The following TGFBR2 variants were observed in gnomAD, a reference collection of about 807,000 sequenced individuals.
TGFBR2 encodes TGF-beta receptor type-2.
In TGFBR2, 18 loss-of-function variants were observed where a neutral mutation model predicts 49.0. The observed-to-expected ratio is 0.37, with a 90% CI of 0.25 to 0.54. The LOEUF is 0.54. Among genes scored for constraint, TGFBR2 ranks in the 20% least tolerant of loss-of-function variants. TGFBR2 has a pLI of 0.85. For missense variants in TGFBR2, 525 were observed against 722.6 expected, an observed-to-expected ratio of 0.73 and a Z score of 3.13; for synonymous variants, 282 against 275.9, an observed-to-expected ratio of 1.02 and a Z score of -0.22.
chr3:30,634,155 C>G (rs1310950671), intron 1 of TGFBR2, among the ~76,000 whole-genome samples: 2 of 152,180 alleles, frequency 1.3e-5, no homozygotes, highest in Non-Finnish European at 2.9e-5. Flanking sequence ...AAATTCTGCT[C>G]TCACAGAACA....
intron 3 of TGFBR2, chr3:30,661,757 T>A (rs1387788548): frequency 1.1e-5 from 4 of 352,090 alleles, no homozygotes; most frequent in Non-Finnish European, 2.2e-5. Flanking sequence ...GTGAGAGTCC[T>A]GCTGTAATCT....
intron 1 of TGFBR2, among the ~76,000 whole-genome samples, chr3:30,630,221 A>G (rs1698411032): frequency 6.6e-6 from 1 of 152,220 alleles, no homozygotes. Flanking sequence ...TTCTCACCCC[A>G]GAATGAGATA....
At chr3:30,613,419 T>C (rs114660196) in intron 1 of TGFBR2, among the ~76,000 whole-genome samples, 2 of 152,148 alleles carry the variant, frequency 1.3e-5, no homozygotes, top group Non-Finnish European at 2.9e-5. Context: ...GCAGTTTGCA[T>C]GGATCCTTGA....
chr3:30,623,279 G>A (rs1698269639), intron 1 of TGFBR2: 1 of 1,613,716 alleles, frequency 6.2e-7, no homozygotes, highest in African/African-American at 1.3e-5. Flanking sequence ...ACATAGTAAA[G>A]TATCATTAAT....
At chr3:30,632,648 A>G (rs916033454) in intron 1 of TGFBR2, among the ~76,000 whole-genome samples, 9 of 152,178 alleles carry the variant, frequency 5.9e-5, no homozygotes, top group African/African-American at 1.2e-4. Flanking sequence ...GTTTCCTGCA[A>G]TTTTCTTTGG....
intron 1 of TGFBR2, among the ~76,000 whole-genome samples, chr3:30,616,521 A>T (rs1444265450): frequency 6.6e-6 from 1 of 152,206 alleles, no homozygotes; most frequent in East Asian, 1.9e-4. Flanking sequence ...CTGGGTGACC[A>T]GGCTGTCTTT....
At chr3:30,640,130 T>A (rs983553145) in intron 1 of TGFBR2, among the ~76,000 whole-genome samples, 4 of 152,296 alleles carry the variant, frequency 2.6e-5, no homozygotes, top group Admixed American at 2.0e-4. Flanking sequence ...GAAGGTGGTA[T>A]GACCTAGAGT....
Position 30,617,221 on chromosome 3 carries a change from G to T in TGFBR2, c.94+10244G>T, listed in dbSNP as rs537619815. On this transcript the variant is annotated intron_variant, in intron 1 of 6. Transcript: ENST00000295754. ...GGCAGTTTTCAGACTGCTGTTTTAG[G>T]CAGGGGAGTAGCTGCCGCAACCTCT... Among the ~76,000 whole-genome samples, 134 of 152,258 alleles carry T rather than the reference G, an allele frequency of 8.8e-4. 1 individual carries two copies. Among genetic ancestry groups the T allele is most frequent in the African/African-American group, 3.1e-3 (130 of 41,554 alleles).
intron 3 of TGFBR2, among the ~76,000 whole-genome samples, chr3:30,652,794 C>A (rs1168930819): frequency 6.6e-6 from 1 of 152,140 alleles, no homozygotes; most frequent in Non-Finnish European, 1.5e-5. Context: ...TCCAAAAGGA[C>A]AAAAGTTGAT....
chr3:30,612,291 G>A (rs1300493648), intron 1 of TGFBR2, among the ~76,000 whole-genome samples: 1 of 152,072 alleles, frequency 6.6e-6, no homozygotes, highest in African/African-American at 2.4e-5. Flanking sequence ...TCCTGCTCAG[G>A]GTCTCTCTGG....
In TGFBR2 at chr3:30,637,062, T is replaced by TG. The variant is rs200583346; in HGVS notation, c.95-7684dup. Among the ~76,000 whole-genome samples, 1,336 of 137,428 alleles carry TG rather than the reference T, an allele frequency of 9.7e-3. 23 individuals are homozygous for TG. Among genetic ancestry groups the TG allele is most frequent in the African/African-American group, 0.036 (1,290 of 35,874 alleles). 90.2% of individuals were successfully genotyped at this position (137,428 alleles called of 152,430 possible). ...CTGGGTGACAGAGCAAGACTCTGTC[T>TG]GAAAAAAAAAAAAAAAAGCAATAAA... On this transcript the variant is annotated intron_variant, in intron 1 of 6. Coordinates refer to ENST00000295754, the MANE Select transcript of TGFBR2 (RefSeq NM_003242.6).
chr3:30,611,706 G>A (rs1030476153), intron 1 of TGFBR2, among the ~76,000 whole-genome samples: 1 of 151,842 alleles, frequency 6.6e-6, no homozygotes, highest in Non-Finnish European at 1.5e-5. Context: ...TTATAAGGGT[G>A]AAGCAGCGTT....
rs938310044 is a variant in TGFBR2 at position 30,623,387 on chromosome 3, A to G, written c.94+16410A>G. On this transcript the variant is annotated intron_variant, in intron 1 of 6. Transcript: ENST00000295754. ...AAATCTATAGTCTCCTCGTATTTTC[A>G]TATTTTCATAGCTAAATTGTTAAAG... 11 of 1,329,248 alleles carry G rather than the reference A, an allele frequency of 8.3e-6. No homozygotes were observed. The African/African-American group carries it at 1.0e-4, about 12-fold the overall frequency. 82.3% of individuals were successfully genotyped at this position (1,329,248 alleles called of 1,614,324 possible). A position where few individuals can be genotyped will look rare whatever the true frequency, so the allele number is the denominator to read the frequency against.
intron 3 of TGFBR2, among the ~76,000 whole-genome samples, chr3:30,654,640 G>A (rs1019432681): frequency 6.6e-6 from 1 of 152,160 alleles, no homozygotes. Context: ...GAAGTTGTTT[G>A]GATTGGTCAT....
Position 30,659,121 on chromosome 3 carries a change from T to C in TGFBR2, c.454+8661T>C, listed in dbSNP as rs11466507. Among the ~76,000 whole-genome samples, 789 of 152,360 alleles carry C rather than the reference T, an allele frequency of 5.2e-3. 10 individuals are homozygous for C. Among genetic ancestry groups the C allele is most frequent in the African/African-American group, 0.018 (765 of 41,572 alleles). Reference sequence around the variant, plus strand: ...TGGTAGCTCTGGGGGATTTTAGGTATGCTGCCTTGGAACTGTGCACTCACG... The same window carrying C: ...TGGTAGCTCTGGGGGATTTTAGGTACGCTGCCTTGGAACTGTGCACTCACG... On this transcript the variant is annotated intron_variant, in intron 3 of 6. Coordinates refer to ENST00000295754, the MANE Select transcript of TGFBR2 (RefSeq NM_003242.6).
chr3:30,661,981 A>C (rs1021014364), intron 3 of TGFBR2, among the ~76,000 whole-genome samples: 1 of 152,180 alleles, frequency 6.6e-6, no homozygotes, highest in African/African-American at 2.4e-5. Flanking sequence ...TCTCTTGAAA[A>C]GTAACCGAGG....
intron 3 of TGFBR2, among the ~76,000 whole-genome samples, chr3:30,653,887 G>T (rs778501630): frequency 6.6e-6 from 1 of 152,140 alleles, no homozygotes; most frequent in Non-Finnish European, 1.5e-5. Flanking sequence ...CACCCCATGC[G>T]AGTAGGCACT....
At chr3:30,673,913 AG>A (rs765128979) in intron 4 of TGFBR2, among the ~76,000 whole-genome samples, 191 bp from the exon 5 acceptor site, 1 of 152,142 alleles carries the variant, frequency 6.6e-6, no homozygotes, top group Middle Eastern at 3.2e-3. Context: ...GAGGGTTTTC[AG>A]GGAGAGAACA....
intron 2 of TGFBR2, among the ~76,000 whole-genome samples, chr3:30,647,496 C>G (rs1317966017): frequency 6.6e-6 from 1 of 152,112 alleles, no homozygotes; most frequent in Non-Finnish European, 1.5e-5. Context: ...AGTGTGGAAA[C>G]TGAAAGGCTC....
Sources: allele counts gnomAD v4.1 joint callset (sites outside exome capture counted in the v4.1 genomes callset), GRCh38; gene constraint gnomAD v4.1.1; transcripts MANE v1.5; gene names NCBI Gene and HGNC (gene_info 2026-07-23, HGNC 2026-07-21).